TMTC2: variants seen among roughly 807,000 people sequenced by gnomAD.
TMTC2 encodes protein O-mannosyl-transferase TMTC2.
In TMTC2, 43 loss-of-function variants were observed where a neutral mutation model predicts 82.4. The observed-to-expected ratio is 0.52, with a 90% CI of 0.41 to 0.67. The LOEUF is 0.67. TMTC2 is among the 30% of genes least tolerant of loss of function. TMTC2 has a pLI of 0.00. For missense variants in TMTC2, 919 were observed against 1,012.4 expected (o/e 0.91, Z 1.25); for synonymous variants, 408 against 381.9 (o/e 1.07, Z -0.80).
intron 1 of TMTC2, among the ~76,000 whole-genome samples, chr12:82,707,449 A>G (rs1241560406): frequency 2.0e-5 from 3 of 152,186 alleles, no homozygotes; most frequent in Non-Finnish European, 4.4e-5. Context: ...AATTCAGGAA[A>G]GGTGGAGCCT....
At chr12:82,981,025 A>G (rs188506252) in intron 7 of TMTC2, among the ~76,000 whole-genome samples, 1 of 152,042 alleles carries the variant, frequency 6.6e-6, no homozygotes, top group African/African-American at 2.4e-5. Context: ...GGAACAAATG[A>G]TAATCTACTT....
rs181072615 is a variant in TMTC2 at position 82,794,347 on chromosome 12, C to T, written c.84-62663C>T. On this transcript the variant is annotated intron_variant, in intron 1 of 11. Transcript: ENST00000321196. ...GATGCACGTTTCCCCTCTTCCCCAT[C>T]TACCAACTCACACAGAAAAAAAGGG... is the stretch of plus-strand genomic sequence containing the variant. Among the ~76,000 whole-genome samples, 7 of 152,234 alleles carry T rather than the reference C, an allele frequency of 4.6e-5. No individual in the cohort carries two copies. The East Asian group carries it at 1.4e-3, about 29-fold the overall frequency.
intron 2 of TMTC2, among the ~76,000 whole-genome samples, chr12:82,867,990 T>G (rs1565785067): frequency 6.6e-6 from 1 of 152,228 alleles, no homozygotes; most frequent in Admixed American, 6.5e-5. Flanking sequence ...AAATAGAAAC[T>G]CGGTCATTTT....
intron 7 of TMTC2, among the ~76,000 whole-genome samples, chr12:82,975,071 A>G (rs910759311): frequency 2.6e-5 from 4 of 152,116 alleles, no homozygotes; most frequent in Admixed American, 6.6e-5. Flanking sequence ...GAGACAGGAG[A>G]ACAGGAGGAG....
chr12:83,074,909 AG>A (rs1471381290), intron 11 of TMTC2, among the ~76,000 whole-genome samples: 1 of 152,114 alleles, frequency 6.6e-6, no homozygotes, highest in Non-Finnish European at 1.5e-5. Context: ...TGCCCCATTC[AG>A]GTAGTTACAA....
At chr12:82,855,873 T>G (rs894584589) in intron 1 of TMTC2, among the ~76,000 whole-genome samples, 1 of 152,226 alleles carries the variant, frequency 6.6e-6, no homozygotes, top group African/African-American at 2.4e-5. Context: ...AACCTTAACA[T>G]GAATATAACC....
chr12:82,999,350 GAT>G (rs929226654), intron 8 of TMTC2, among the ~76,000 whole-genome samples: 2 of 152,208 alleles, frequency 1.3e-5, no homozygotes, highest in Non-Finnish European at 2.9e-5. Context: ...TCATCCTCAT[GAT>G]ATCAAGGATA....
intron 1 of TMTC2, among the ~76,000 whole-genome samples, chr12:82,755,446 G>T (rs1876252475): frequency 6.6e-6 from 1 of 152,184 alleles, no homozygotes; most frequent in African/African-American, 2.4e-5. Flanking sequence ...ACTAACTGAT[G>T]ATTAATTAAT....
At chr12:82,833,893 C>G (rs1469258469) in intron 1 of TMTC2, among the ~76,000 whole-genome samples, 3 of 152,138 alleles carry the variant, frequency 2.0e-5, no homozygotes, top group Non-Finnish European at 1.5e-5. Context: ...ACTGTACCAA[C>G]AGATGATAAT....
At chr12:82,951,299 C>CT (rs5799600) in intron 4 of TMTC2, among the ~76,000 whole-genome samples, 137,199 of 149,762 alleles carry the variant, frequency 0.92, 62,917 homozygotes, top group East Asian at 1. Context: ...TGGAATTTAA[C>CT]TTTTTTTTTT....
chr12:83,038,731 T>C (rs1881769656), intron 9 of TMTC2, among the ~76,000 whole-genome samples: 1 of 152,158 alleles, frequency 6.6e-6, no homozygotes, highest in East Asian at 1.9e-4. Flanking sequence ...AAAATAACTA[T>C]GTCATTAGAA....
chr12:82,687,431 T>A lies in TMTC2; in HGVS notation c.-156T>A. Reference sequence around the variant, plus strand: ...GGCGCGAGGAGGAGGAGAGGAGTCGTGGATTGGAAGGACCCGAGGGAGGGA... The same window carrying A: ...GGCGCGAGGAGGAGGAGAGGAGTCGAGGATTGGAAGGACCCGAGGGAGGGA... On this transcript the variant is annotated 5_prime_UTR_variant, in exon 1 of 12. Coordinates refer to ENST00000321196, the MANE Select transcript of TMTC2 (RefSeq NM_152588.3). 1 of 636,150 alleles carries A rather than the reference T, an allele frequency of 1.6e-6. No individual in the cohort carries two copies. Among genetic ancestry groups the A allele is most frequent in the Non-Finnish European group, 2.6e-6 (1 of 382,322 alleles). 39.4% of individuals were successfully genotyped at this position (636,150 alleles called of 1,614,324 possible).
intron 1 of TMTC2, among the ~76,000 whole-genome samples, chr12:82,753,217 C>T (rs555787121): frequency 3.3e-5 from 5 of 152,134 alleles, no homozygotes; most frequent in South Asian, 2.1e-4. Context: ...GGTCATTCTC[C>T]GTAGGTGAGC....
At chr12:82,858,899 A>T (rs1871390327) in intron 2 of TMTC2, among the ~76,000 whole-genome samples, 1 of 152,174 alleles carries the variant, frequency 6.6e-6, no homozygotes, top group Non-Finnish European at 1.5e-5. Flanking sequence ...AATTGTTTTC[A>T]TCTAACCCAA....
chr12:83,102,647 A>G (rs933614091), intron 11 of TMTC2, among the ~76,000 whole-genome samples: 3 of 152,216 alleles, frequency 2.0e-5, no homozygotes, highest in African/African-American at 7.2e-5. Context: ...AGTATTTCCA[A>G]CCGTGGATAG....
chr12:82,946,745 CTTT>C (rs68095076), intron 4 of TMTC2, among the ~76,000 whole-genome samples: 1 of 136,982 alleles, frequency 7.3e-6, no homozygotes. Context: ...CTTTTCTTTT[CTTT>C]TTTTTTTTTT....
chr12:83,036,645 A>G (rs920636963), intron 9 of TMTC2, among the ~76,000 whole-genome samples: 2 of 152,064 alleles, frequency 1.3e-5, no homozygotes, highest in Non-Finnish European at 1.5e-5. Context: ...AGCTCTTTCA[A>G]CTTTTAAATC....
chr12:82,985,888 T>A, intron 7 of TMTC2, 37 bp from the exon 8 acceptor site: 1 of 1,600,956 alleles, frequency 6.2e-7, no homozygotes, highest in South Asian at 1.1e-5. Context: ...AAAAGCTGTA[T>A]CCTCCCTTTG....
chr12:82,839,567 T>C (rs1870225629), intron 1 of TMTC2, among the ~76,000 whole-genome samples: 1 of 152,246 alleles, frequency 6.6e-6, no homozygotes, highest in Non-Finnish European at 1.5e-5. Flanking sequence ...TGTCCTGTTG[T>C]TTAGAAGTGG....
Sources: allele counts gnomAD v4.1 joint callset (sites outside exome capture counted in the v4.1 genomes callset), GRCh38; gene constraint gnomAD v4.1.1; transcripts MANE v1.5; gene names NCBI Gene and HGNC (gene_info 2026-07-23, HGNC 2026-07-21).